ZNF84: variants seen among roughly 807,000 people sequenced by gnomAD.
ZNF84 encodes the protein zinc finger protein 84.
Under a neutral mutation model 14.8 loss-of-function variants are expected in ZNF84, and 12 were observed. The observed-to-expected ratio is 0.81, with a 90% confidence interval of 0.52 to 1.31. The LOEUF (loss-of-function observed/expected upper bound fraction) is 1.31. Ranked by LOEUF, ZNF84 falls within the 50% of genes most tolerant of loss-of-function variation. ZNF84 has a pLI of 0.00. For missense variants in ZNF84, 859 were observed against 878.6 expected, an observed-to-expected ratio of 0.98 and a Z score of 0.28; for synonymous variants, 347 against 291.1, an observed-to-expected ratio of 1.19 and a Z score of -1.96.
Position 133,048,786 on chromosome 12 carries a change from A to G in ZNF84, c.176A>G (p.Lys59Arg), listed in dbSNP as rs1210022990. 2 of 1,613,784 alleles carry G rather than the reference A, an allele frequency of 1.2e-6. No homozygotes were observed. The highest frequency in any genetic ancestry group is 2.7e-5 in the African/African-American group (2 of 74,910). The change falls in exon 4 of 5, where the codon AAA (lysine) becomes AGA (arginine). Residue 59 changes from lysine (K) to arginine (R), a missense_variant. By Grantham distance (26) the Lys-to-Arg change is conservative (BLOSUM62 2). Coordinates refer to ENST00000539354, the MANE Select transcript of ZNF84 (RefSeq NM_001289971.2). ...YEVMKPDVIF[K>R]LEQGEEPWVG... ...GTTATGAAACCAGATGTCATCTTCA[A>G]ATTGGAGCAAGGAGAAGAGCCGTGG...
At chr12:133,052,398 A>G (rs933917807) in intron 4 of ZNF84, among the ~76,000 whole-genome samples, 30 of 152,162 alleles carry the variant, frequency 2.0e-4, no homozygotes, top group African/African-American at 6.0e-4. Flanking sequence ...CTGGAGTGCA[A>G]TGGCACAATC....
At position 133,062,243 on chromosome 12, in the gene ZNF84, T is replaced by C. The variant is rs659137; in HGVS notation, c.*3311T>C. 139,997 of 152,276 alleles carry C rather than the reference T, an allele frequency of 0.92. 64,708 individuals are homozygous for C. The highest frequency in any genetic ancestry group is 1 in the East Asian group (5,181 of 5,188). 9.4% of individuals were successfully genotyped at this position (152,276 alleles called of 1,614,324 possible). ...TCCAGACTGAATTTTGAGACCTGTA[T>C]CAGGATTGCCTTCTGTGTGACTTTT... On this transcript the variant is annotated 3_prime_UTR_variant, in exon 5 of 5. Coordinates refer to ENST00000539354, the MANE Select transcript of ZNF84 (RefSeq NM_001289971.2).
rs1333409196 is a variant in ZNF84, at chr12:133,061,695, T to G, written c.*2763T>G. Reference sequence around the variant, plus strand: ...TTAACTATTAAGCAGTTAAACCTGATACTTCCTACACTAGATAATGGAACT... The same window carrying G: ...TTAACTATTAAGCAGTTAAACCTGAGACTTCCTACACTAGATAATGGAACT... On this transcript the variant is annotated 3_prime_UTR_variant, in exon 5 of 5. Coordinates refer to ENST00000539354, the MANE Select transcript of ZNF84 (RefSeq NM_001289971.2). 2 of 152,226 alleles carry G rather than the reference T, an allele frequency of 1.3e-5. No homozygotes were observed. The highest frequency in any genetic ancestry group is 6.5e-5 in the Admixed American group (1 of 15,286). 9.4% of individuals were successfully genotyped at this position (152,226 alleles called of 1,614,324 possible).
chr12:133,058,143 A>C lies in ZNF84; in HGVS notation c.1428A>C (p.Arg476Ser). The change falls in exon 5 of 5, where the codon AGA becomes AGC. Residue 476 changes from arginine (R) to serine (S), a missense_variant. Physicochemically the swap from Arg to Ser is moderately radical, Grantham distance 110. Coordinates refer to ENST00000539354, the MANE Select transcript of ZNF84 (RefSeq NM_001289971.2). ...TCAGCAGGAAATCACAGCTCGTTAGACATCAGAGAACTCATACGGGAGAAA... is the reference window on the plus strand; with the variant it reads ...TCAGCAGGAAATCACAGCTCGTTAGCCATCAGAGAACTCATACGGGAGAAA... ...KAFSRKSQLV[R>S]HQRTHTGEKP... The C allele has an allele frequency of 6.2e-7, 1 of 1,613,980 alleles. No individual in the cohort carries two copies. The highest frequency in any genetic ancestry group is 8.5e-7 in the Non-Finnish European group (1 of 1,180,004).
In ZNF84 at chr12:133,053,350, GA is replaced by G. The variant is rs1260881674; in HGVS notation, c.239-3602del. Among the ~76,000 whole-genome samples, 48 of 152,276 alleles carry G rather than the reference GA, an allele frequency of 3.2e-4. 1 individual carries two copies. The highest frequency in any genetic ancestry group is 6.8e-3 in the Middle Eastern group (2 of 294). On this transcript the variant is annotated intron_variant, in intron 4 of 4. Coordinates refer to ENST00000539354, the MANE Select transcript of ZNF84 (RefSeq NM_001289971.2). Reference sequence around the variant, plus strand: ...AATTTGATAACATTTAAAATAACATGAATGTAAGTTTAATTTATAGATGTTT... The same window carrying G: ...AATTTGATAACATTTAAAATAACATGATGTAAGTTTAATTTATAGATGTTT...
chr12:133,047,217 A>G (rs1382553990), intron 2 of ZNF84, among the ~76,000 whole-genome samples: 1 of 151,946 alleles, frequency 6.6e-6, no homozygotes, highest in Non-Finnish European at 1.5e-5. Context: ...TCTTCTGTGA[A>G]AGTTGTCAGA....
In ZNF84 at chr12:133,041,368, C is replaced by A; in HGVS notation, c.-100C>A. 2 of 1,174,538 alleles carry A rather than the reference C, an allele frequency of 1.7e-6. No homozygotes were observed. Among genetic ancestry groups the A allele is most frequent in the Non-Finnish European group, 2.5e-6 (2 of 784,900 alleles). 72.8% of individuals were successfully genotyped at this position (1,174,538 alleles called of 1,614,324 possible). On this transcript the variant is annotated 5_prime_UTR_variant, in exon 2 of 5. Coordinates refer to ENST00000539354, the MANE Select transcript of ZNF84 (RefSeq NM_001289971.2). The stretch of plus-strand genomic sequence containing the variant: ...AGGAATTCATTCTCAGTGTAGAAGA[C>A]CTAGCTGAGACCTCACTCCACAGTT...
Position 133,057,792 on chromosome 12 carries a change from GTC to G in ZNF84, c.1078_1079del (p.Ser360ThrfsTer18), listed in dbSNP as rs1172941456. The G allele has an allele frequency of 1.2e-6, 2 of 1,612,584 alleles. No homozygotes were observed. The highest frequency in any genetic ancestry group is 1.7e-6 in the Non-Finnish European group (2 of 1,179,570). The stretch of plus-strand genomic sequence containing the variant: ...AATGTGGGAAAGCCTTCAGCAGGAA[GTC>G]ACAACTCGTTACACATCACAGAACT... ...RECGKAFSRK[S>X]QLVTHHRTHT... On this transcript the variant is annotated frameshift_variant, in exon 5 of 5. Transcript: ENST00000539354. LOFTEE classifies it low-confidence loss of function (END_TRUNC).
rs957793011 is a variant in ZNF84 at position 133,059,317 on chromosome 12, A to T, written c.*385A>T. 6.6e-6 allele frequency: 2 copies of T among 301,430 alleles called. No homozygotes were observed. Among genetic ancestry groups the T allele is most frequent in the Non-Finnish European group, 1.2e-5 (2 of 164,916 alleles). 18.7% of individuals were successfully genotyped at this position (301,430 alleles called of 1,614,324 possible). On this transcript the variant is annotated 3_prime_UTR_variant, in exon 5 of 5. Transcript: ENST00000539354. ...TTTAAGAAATGACAGTTCATTGTAC[A>T]TAAGAAAATGCTCTTAGGAATGAAG...
chr12:133,051,017 G>A (rs1297001505), intron 4 of ZNF84, among the ~76,000 whole-genome samples: 2 of 152,110 alleles, frequency 1.3e-5, no homozygotes, highest in African/African-American at 2.4e-5. Context: ...AAATTCCTGG[G>A]CTGAAGTGAT....
chr12:133,039,031 GTTC>G (rs1410765658), intron 1 of ZNF84: 2 of 152,048 alleles, frequency 1.3e-5, no homozygotes, highest in Non-Finnish European at 2.9e-5. Context: ...ATAGATAATA[GTTC>G]TTATTTAGCT....
intron 4 of ZNF84, among the ~76,000 whole-genome samples, chr12:133,052,482 C>G (rs1954088339): frequency 6.6e-6 from 1 of 152,164 alleles, no homozygotes; most frequent in African/African-American, 2.4e-5. Context: ...GTGTGCAGCA[C>G]CACACCTGGC....
intron 1 of ZNF84, among the ~76,000 whole-genome samples, chr12:133,039,885 TTTG>T (rs1953856316): frequency 6.6e-6 from 1 of 151,892 alleles, no homozygotes; most frequent in South Asian, 2.1e-4. Flanking sequence ...GAGTTTCCCT[TTTG>T]TTGCACCAGG....
intron 1 of ZNF84, 193 bp from the exon 2 acceptor site, chr12:133,041,085 C>G (rs1953878702): frequency 8.5e-6 from 2 of 235,858 alleles, no homozygotes; most frequent in African/African-American, 4.5e-5. Context: ...CTGATATTTC[C>G]TTATCTGTTT....
intron 1 of ZNF84, chr12:133,037,852 C>T (rs1156358581): frequency 1.3e-5 from 2 of 152,216 alleles, no homozygotes; most frequent in African/African-American, 2.4e-5. Context: ...GCCTCGACCT[C>T]GGGCCAGCCC....
Position 133,061,510 on chromosome 12 carries a change from C to G in ZNF84, c.*2578C>G, listed in dbSNP as rs1196383784. On this transcript the variant is annotated 3_prime_UTR_variant, in exon 5 of 5. Coordinates refer to ENST00000539354, the MANE Select transcript of ZNF84 (RefSeq NM_001289971.2). Reference sequence around the variant, plus strand: ...TTCCTACTTTTTAATATCTCAAATTCATTTTACTAGACGTGGGAGACCAAC... The same window carrying G: ...TTCCTACTTTTTAATATCTCAAATTGATTTTACTAGACGTGGGAGACCAAC... The G allele has an allele frequency of 6.6e-6, 1 of 152,178 alleles. No homozygotes were observed. Among genetic ancestry groups the G allele is most frequent in the African/African-American group, 2.4e-5 (1 of 41,456 alleles). 9.4% of individuals were successfully genotyped at this position (152,178 alleles called of 1,614,324 possible). A position where few individuals can be genotyped will look rare whatever the true frequency, so the allele number is the denominator to read the frequency against.
intron 4 of ZNF84, among the ~76,000 whole-genome samples, chr12:133,055,178 ATTTG>A (rs1367761849): frequency 6.6e-6 from 1 of 152,108 alleles, no homozygotes; most frequent in Non-Finnish European, 1.5e-5. Context: ...CTCATTCTCT[ATTTG>A]TTCAAATTAT....
intron 2 of ZNF84, among the ~76,000 whole-genome samples, chr12:133,044,012 T>G (rs1290165204): frequency 6.6e-6 from 1 of 151,930 alleles, no homozygotes; most frequent in Non-Finnish European, 1.5e-5. Flanking sequence ...TCCACCCGCC[T>G]CGGCCTCCCA....
In ZNF84 at chr12:133,063,278, A is replaced by G. The variant is rs771383553; in HGVS notation, c.*4346A>G. ...TCTGTGAGATACTCCAAATATCCTA[A>G]TAAATTCTCATGTTTGCTTCATCTG... On this transcript the variant is annotated 3_prime_UTR_variant, in exon 5 of 5. Coordinates refer to ENST00000539354, the MANE Select transcript of ZNF84 (RefSeq NM_001289971.2). 2.3e-3 allele frequency: 1,634 copies of G among 701,678 alleles called. 4 individuals are homozygous for G. The highest frequency in any genetic ancestry group is 3.7e-3 in the Non-Finnish European group (1,425 of 384,372). The allele number at this position is 701,678 out of a possible 1,614,324, so 43.5% of individuals were successfully genotyped here. A position where few individuals can be genotyped will look rare whatever the true frequency, so the allele number is the denominator to read the frequency against.
Sources: gnomAD v4.1 joint callset for allele counts (sites outside exome capture counted in the v4.1 genomes callset) on GRCh38, gnomAD v4.1.1 for gene constraint, MANE v1.5 for transcripts, NCBI Gene and HGNC (gene_info 2026-07-23, HGNC 2026-07-21) for gene names.